TENM2: variants seen among roughly 807,000 people sequenced by gnomAD.
TENM2 encodes the protein teneurin transmembrane protein 2.
TENM2 carries 52 observed loss-of-function variants against 245.2 expected under a neutral mutation model. That is an observed-to-expected ratio of 0.21 (90% CI 0.17 to 0.27). TENM2 has a LOEUF of 0.27. Ranked by LOEUF, TENM2 falls within the 10% of genes least tolerant of loss-of-function variation. The pLI is 1.00. For synonymous variants in TENM2, 1,363 were observed against 1,438.9 expected, an observed-to-expected ratio of 0.95 and a Z score of 1.19; for missense variants, 3,046 against 3,666.8, an observed-to-expected ratio of 0.83 and a Z score of 4.37.
chr5:167,526,641 A>C (rs909422412), intron 2 of TENM2, among the ~76,000 whole-genome samples: 5 of 152,096 alleles, frequency 3.3e-5, no homozygotes, highest in African/African-American at 4.8e-5. Context: ...TATTTTATAC[A>C]TGCCAGTATA....
chr5:167,058,328 C>G, the TENM2 span, among the ~76,000 whole-genome samples: 1 of 152,078 alleles, frequency 6.6e-6, no homozygotes, highest in Non-Finnish European at 1.5e-5. Context: ...ATATTCTATG[C>G]TAAATATCAA....
At chr5:168,147,994 G>T (rs1756257638) in intron 12 of TENM2, among the ~76,000 whole-genome samples, 2 of 152,198 alleles carry the variant, frequency 1.3e-5, no homozygotes, top group South Asian at 2.1e-4. Flanking sequence ...CTCTGAGATG[G>T]TTAGAGATGC....
Position 167,361,225 on chromosome 5 carries a change from A to G in TENM2, c.227-13973A>G, listed in dbSNP as rs574831316. Among the ~76,000 whole-genome samples, 35 of 152,300 alleles carry G rather than the reference A, an allele frequency of 2.3e-4. No homozygotes were observed. The South Asian group carries it at 5.0e-3, about 22-fold the overall frequency. Reference sequence around the variant, plus strand: ...TTGATTTTTTTAAGGAAAGTCATAGAAAAGTACAGAGAAGAAAGCGAGCAA... The same window carrying G: ...TTGATTTTTTTAAGGAAAGTCATAGGAAAGTACAGAGAAGAAAGCGAGCAA... On this transcript the variant is annotated intron_variant, in intron 1 of 28. Coordinates refer to ENST00000518659, the Ensembl canonical transcript of TENM2.
chr5:167,363,592 A>G (rs749161598), intron 1 of TENM2, among the ~76,000 whole-genome samples: 31 of 151,768 alleles, frequency 2.0e-4, no homozygotes, highest in Non-Finnish European at 3.7e-4. Flanking sequence ...TTAACTGGGC[A>G]TGGTGGTGGA....
At chr5:167,157,288 A>G in the TENM2 span, among the ~76,000 whole-genome samples, 1 of 152,210 alleles carries the variant, frequency 6.6e-6, no homozygotes, top group Non-Finnish European at 1.5e-5. Context: ...GGCAAATCAA[A>G]GTGAAATGAA....
At chr5:167,609,128 G>T (rs1777265840) in intron 2 of TENM2, among the ~76,000 whole-genome samples, 1 of 151,992 alleles carries the variant, frequency 6.6e-6, no homozygotes, top group Non-Finnish European at 1.5e-5. Flanking sequence ...TAGCATGTAG[G>T]TGCCTCATGT....
At chr5:167,152,589 C>T in the TENM2 span, among the ~76,000 whole-genome samples, 2 of 152,130 alleles carry the variant, frequency 1.3e-5, no homozygotes, top group Non-Finnish European at 2.9e-5. Context: ...TTTCTAGATA[C>T]AGTAGTTCCT....
At chr5:168,167,827 G>C (rs1454693658) in intron 13 of TENM2, among the ~76,000 whole-genome samples, 1 of 152,122 alleles carries the variant, frequency 6.6e-6, no homozygotes, top group Non-Finnish European at 1.5e-5. Flanking sequence ...TGTAAAATAG[G>C]CATGGCAATG....
chr5:167,062,001 T>G, the TENM2 span, among the ~76,000 whole-genome samples: 1 of 151,878 alleles, frequency 6.6e-6, no homozygotes, highest in Non-Finnish European at 1.5e-5. Context: ...GCTATGAAAT[T>G]GCAGGGATGT....
chr5:167,985,927 G>T (rs750135050), intron 4 of TENM2, among the ~76,000 whole-genome samples: 2 of 152,196 alleles, frequency 1.3e-5, no homozygotes, highest in South Asian at 2.1e-4. Context: ...GCCAGCCTCC[G>T]CTTCTCAAAG....
intron 2 of TENM2, among the ~76,000 whole-genome samples, chr5:167,678,050 G>A (rs1197999528): frequency 6.6e-6 from 1 of 152,106 alleles, no homozygotes; most frequent in East Asian, 1.9e-4. Context: ...AATTTAAAAT[G>A]ACAGGTCACA....
intron 2 of TENM2, among the ~76,000 whole-genome samples, chr5:167,597,701 G>A (rs1316952799): frequency 6.6e-6 from 1 of 151,954 alleles, no homozygotes; most frequent in African/African-American, 2.4e-5. Flanking sequence ...ATTAAGATTT[G>A]TTTTGTCACA....
rs1582994130 is a variant in TENM2, at chr5:167,781,270, C to T, written c.503-94716C>T. Among the ~76,000 whole-genome samples the T allele has an allele frequency of 2.0e-5, 3 of 152,322 alleles. No individual in the cohort carries two copies. The South Asian group carries it at 6.2e-4, about 32-fold the overall frequency. ...AATTTGCAGGAAGCTATGATTGCAACACTGCACTCCAGCCTAGGCCCTAAG... is the reference window on the plus strand; with the variant it reads ...AATTTGCAGGAAGCTATGATTGCAATACTGCACTCCAGCCTAGGCCCTAAG... On this transcript the variant is annotated intron_variant, in intron 2 of 28. Coordinates refer to ENST00000518659, the Ensembl canonical transcript of TENM2.
chr5:167,722,334 T>C (rs930862781), intron 2 of TENM2, among the ~76,000 whole-genome samples: 3 of 152,186 alleles, frequency 2.0e-5, no homozygotes, highest in Non-Finnish European at 4.4e-5. Flanking sequence ...AAGGATGCTA[T>C]GGTCAGAATA....
chr5:167,780,592 A>G (rs1472066424), intron 2 of TENM2, among the ~76,000 whole-genome samples: 1 of 152,186 alleles, frequency 6.6e-6, no homozygotes, highest in Non-Finnish European at 1.5e-5. Flanking sequence ...GAGGAAATAC[A>G]TGTGTTGGAT....
At chr5:167,832,153 G>A (rs892586181) in intron 2 of TENM2, among the ~76,000 whole-genome samples, 1 of 152,102 alleles carries the variant, frequency 6.6e-6, no homozygotes, top group African/African-American at 2.4e-5. Flanking sequence ...CTTTTAATTG[G>A]CTTTAACCTT....
At chr5:167,164,537 G>C in the TENM2 span, among the ~76,000 whole-genome samples, 1 of 152,202 alleles carries the variant, frequency 6.6e-6, no homozygotes, top group East Asian at 1.9e-4. Flanking sequence ...AGGAATATGA[G>C]GGTAAGCACC....
chr5:167,723,540 T>C (rs1419503283), intron 2 of TENM2, among the ~76,000 whole-genome samples: 1 of 152,208 alleles, frequency 6.6e-6, no homozygotes, highest in Admixed American at 6.5e-5. Flanking sequence ...GGCTCTTATA[T>C]CTAGCAGGAA....
At chr5:167,339,846 A>G (rs1346717338) in intron 1 of TENM2, among the ~76,000 whole-genome samples, 1 of 152,186 alleles carries the variant, frequency 6.6e-6, no homozygotes, top group East Asian at 1.9e-4. Context: ...CACAAGCAAC[A>G]CTTCCCTCTG....
Sources: gnomAD v4.1 joint callset for allele counts (sites outside exome capture counted in the v4.1 genomes callset) on GRCh38, gnomAD v4.1.1 for gene constraint, MANE v1.5 for transcripts, NCBI Gene and HGNC (gene_info 2026-07-23, HGNC 2026-07-21) for gene names.